NEK5: variants seen among roughly 807,000 people sequenced by gnomAD.
NEK5 encodes NIMA related kinase 5.
NEK5 carries 88 observed loss-of-function variants against 109.2 expected under a neutral mutation model. The observed-to-expected ratio is 0.81, with a 90% CI of 0.68 to 0.96. The LOEUF (loss-of-function observed/expected upper bound fraction) is 0.96, where lower values mean the gene tolerates loss of function less well. NEK5 is among the 40% of genes least tolerant of loss of function. The probability of loss-of-function intolerance (pLI) is 0.00; values close to 1 mark genes in which losing one functional copy is unlikely to be tolerated. For missense variants in NEK5, 834 were observed against 920.7 expected (o/e 0.91, Z 1.22); for synonymous variants, 283 against 299.9 (o/e 0.94, Z 0.58).
Position 52,035,510 on chromosome 13 carries a change from TTAAA to T in NEK5, c.*1434_*1437del, listed in dbSNP as rs1167576411. On this transcript the variant is annotated 3_prime_UTR_variant, in exon 24 of 24. Coordinates refer to ENST00000684899, the MANE Select transcript of NEK5 (RefSeq NM_001365552.1). ...TAAGCCCAGACATACTCCTTAGTAT[TTAAA>T]TAAACATCTGTTAAGCTCCAGGCCA... is the stretch of plus-strand genomic sequence containing the variant. 1 of 152,304 alleles carries T rather than the reference TTAAA, an allele frequency of 6.6e-6. No homozygotes were observed. Among genetic ancestry groups the T allele is most frequent in the South Asian group, 2.1e-4 (1 of 4,830 alleles). 9.4% of individuals were successfully genotyped at this position (152,304 alleles called of 1,614,324 possible). A position where few individuals can be genotyped will look rare whatever the true frequency, so the allele number is the denominator to read the frequency against.
intron 8 of NEK5, among the ~76,000 whole-genome samples, chr13:52,104,837 A>G (rs886205557): frequency 2.6e-5 from 4 of 152,230 alleles, no homozygotes; most frequent in African/African-American, 9.6e-5. Flanking sequence ...CAATGTATGT[A>G]TGATGAAATG....
chr13:52,123,824 G>A (rs1956015730), intron 3 of NEK5, among the ~76,000 whole-genome samples: 1 of 144,718 alleles, frequency 6.9e-6, no homozygotes, highest in African/African-American at 2.4e-5. Flanking sequence ...TGGAGGTATG[G>A]TAGAGCTCAG....
chr13:52,099,220 T>C (rs1052223040), intron 12 of NEK5, among the ~76,000 whole-genome samples: 1 of 152,064 alleles, frequency 6.6e-6, no homozygotes, highest in African/African-American at 2.4e-5. Flanking sequence ...ATTTTTTTTT[T>C]AATTAAAAAA....
chr13:52,048,356 G>A (rs959070175), intron 23 of NEK5, among the ~76,000 whole-genome samples: 3 of 152,102 alleles, frequency 2.0e-5, no homozygotes, highest in Non-Finnish European at 4.4e-5. Context: ...AGGATCACTT[G>A]AGCCCAGGAG....
chr13:52,086,080 T>C (rs1396128927), intron 16 of NEK5, among the ~76,000 whole-genome samples, 197 bp downstream of exon 16: 2 of 152,220 alleles, frequency 1.3e-5, no homozygotes, highest in Non-Finnish European at 2.9e-5. Flanking sequence ...TATTATCTTG[T>C]GTAGTCTCTC....
At chr13:52,047,185 A>G (rs114183277) in intron 23 of NEK5, among the ~76,000 whole-genome samples, 303 of 151,938 alleles carry the variant, frequency 2.0e-3, no homozygotes, top group African/African-American at 7.1e-3. Context: ...ATGATATCCA[A>G]TTTACAAGTG....
At chr13:52,069,972 T>C (rs1954759323) in intron 20 of NEK5, among the ~76,000 whole-genome samples, 1 of 152,232 alleles carries the variant, frequency 6.6e-6, no homozygotes, top group Non-Finnish European at 1.5e-5. Context: ...TCTGTGATAT[T>C]GAGAACAGGG....
intron 23 of NEK5, among the ~76,000 whole-genome samples, chr13:52,037,689 C>T (rs1020771885): frequency 6.6e-6 from 1 of 152,030 alleles, no homozygotes; most frequent in Non-Finnish European, 1.5e-5. Flanking sequence ...TTTGGGAGGC[C>T]GAGGCGGGCG....
At chr13:52,121,935 CT>C (rs781057134) in intron 3 of NEK5, among the ~76,000 whole-genome samples, 1,986 of 138,192 alleles carry the variant, frequency 0.014, 27 homozygotes, top group African/African-American at 0.035. Flanking sequence ...GTTTTGCTAG[CT>C]TTTTTTTTTT....
chr13:52,094,322 G>GA (rs1955358220), intron 12 of NEK5, among the ~76,000 whole-genome samples: 1 of 151,992 alleles, frequency 6.6e-6, no homozygotes, highest in South Asian at 2.1e-4. Flanking sequence ...AATAAAAAGA[G>GA]AAAAAAAGAT....
chr13:52,097,613 C>G (rs1462207805), intron 12 of NEK5, among the ~76,000 whole-genome samples: 1 of 152,154 alleles, frequency 6.6e-6, no homozygotes, highest in Non-Finnish European at 1.5e-5. Flanking sequence ...ATGCCTGTAC[C>G]CTCATTGTAT....
chr13:52,099,788 A>G lies in NEK5; in HGVS notation c.981T>C (p.His327=), dbSNP rs746568193. ...SVPIKRNAIL[H]RNEWRPPAGA... ...CAGCTGGTGGTCTCCATTCATTTCT[A>G]TGCAATATAGCATTCCTTTTAATTG... Residue 327 remains histidine, a synonymous_variant, in exon 12 of 24, where the codon CAT becomes CAC. Coordinates refer to ENST00000684899, the MANE Select transcript of NEK5 (RefSeq NM_001365552.1). 3.1e-6 allele frequency: 5 copies of G among 1,613,776 alleles called. No individual in the cohort carries two copies. The highest frequency in any genetic ancestry group is 4.2e-6 in the Non-Finnish European group (5 of 1,179,742).
At chr13:52,115,570 C>T (rs1349955901) in intron 4 of NEK5, among the ~76,000 whole-genome samples, 1 of 131,034 alleles carries the variant, frequency 7.6e-6, no homozygotes, top group Non-Finnish European at 1.6e-5. Context: ...TGCCACTGCA[C>T]TCCAGCCTGG....
At chr13:52,066,090 T>C (rs901844617) in intron 20 of NEK5, among the ~76,000 whole-genome samples, 1 of 152,220 alleles carries the variant, frequency 6.6e-6, no homozygotes, top group Admixed American at 6.5e-5. Flanking sequence ...ATATGGTTTT[T>C]GCTTTGTTTT....
chr13:52,125,614 C>A (rs1956050843), intron 3 of NEK5, among the ~76,000 whole-genome samples: 1 of 152,088 alleles, frequency 6.6e-6, no homozygotes, highest in Non-Finnish European at 1.5e-5. Flanking sequence ...AGAAGAAATG[C>A]AGAACTAGGG....
In NEK5 at chr13:52,102,193, A is replaced by G. The variant is rs569510192; in HGVS notation, c.709T>C (p.Ser237Pro). The change falls in exon 10 of 24, where the codon TCT becomes CCT. Residue 237 changes from serine to proline, a missense_variant. Around this residue, in one of 2 missense-constraint regions of NEK5, gnomAD observed 777 missense variants for 824.7 expected, o/e 0.94. Transcript: ENST00000684899. ...CGAGGAGATACTTGAAAGAGCTGAG[A>G]TATCAAGGAATGGAGCTCACGAGAA... Reference protein sequence around the residue: ...GFSRELHSLISQLFQVSPRDR... With the variant: ...GFSRELHSLIPQLFQVSPRDR... 2.2e-5 allele frequency: 36 copies of G among 1,613,708 alleles called. No homozygotes were observed. The highest frequency in any genetic ancestry group is 3.0e-5 in the Non-Finnish European group (35 of 1,179,596).
intron 17 of NEK5, among the ~76,000 whole-genome samples, chr13:52,080,889 TAAAA>T (rs61101943): frequency 3.7e-5 from 5 of 133,656 alleles, no homozygotes; most frequent in Non-Finnish European, 4.7e-5. Context: ...AATGATCAAT[TAAAA>T]AAAAAAAAAA....
chr13:52,045,637 C>A (rs1364844346), intron 23 of NEK5, among the ~76,000 whole-genome samples: 1 of 149,636 alleles, frequency 6.7e-6, no homozygotes, highest in African/African-American at 2.5e-5. Context: ...TGGTGGCCGG[C>A]GCCTGTAGTC....
At chr13:52,092,762 T>C (rs368630433) in intron 13 of NEK5, among the ~76,000 whole-genome samples, 1 of 152,160 alleles carries the variant, frequency 6.6e-6, no homozygotes, top group East Asian at 1.9e-4. Context: ...GGTGCACGCC[T>C]GTAGTCCCAG....
Sources: allele counts gnomAD v4.1 joint callset (sites outside exome capture counted in the v4.1 genomes callset), GRCh38; gene constraint gnomAD v4.1.1; regional missense constraint gnomAD v4.1.1; transcripts MANE v1.5; gene names NCBI Gene and HGNC (gene_info 2026-07-23, HGNC 2026-07-21).